The following PARP10 variants were observed in gnomAD, a reference collection of about 807,000 sequenced individuals.
PARP10 encodes poly(ADP-ribose) polymerase family member 10, also known as protein mono-ADP-ribosyltransferase PARP10.
Under a neutral mutation model 82.4 loss-of-function variants are expected in PARP10, and 56 were observed. The observed-to-expected ratio is 0.68, with a 90% CI of 0.55 to 0.85. The LOEUF (loss-of-function observed/expected upper bound fraction) is 0.85, where lower values mean the gene tolerates loss of function less well. Ranked by LOEUF, PARP10 falls within the 40% of genes least tolerant of loss-of-function variation. PARP10 has a pLI of 0.00. For missense variants in PARP10, 1,227 were observed against 1,379.4 expected, an observed-to-expected ratio of 0.89 and a Z score of 1.75; for synonymous variants, 576 against 601.1, an observed-to-expected ratio of 0.96 and a Z score of 0.61.
At chr8:143,992,267 C>T (rs1203158723), upstream of PARP10, 6 of 1,600,630 alleles carry the variant, frequency 3.7e-6, no homozygotes, top group Non-Finnish European at 5.1e-6. Flanking sequence ...GCCAGCCTGT[C>T]GTACATGGTG....
At chr8:143,993,810 C>T (rs761912534), upstream of PARP10, among the ~76,000 whole-genome samples, 5 of 152,234 alleles carry the variant, frequency 3.3e-5, no homozygotes, top group Admixed American at 6.5e-5. Flanking sequence ...CTGTGCAGTC[C>T]ATCTGTGTGG....
chr8:143,979,880 C>T (rs1476314983), intron 9 of PARP10, among the ~76,000 whole-genome samples: 1 of 151,672 alleles, frequency 6.6e-6, no homozygotes, highest in Admixed American at 6.6e-5. Flanking sequence ...GGCGCGGTGG[C>T]GGGCGCCTGT....
chr8:143,991,211 G>A (rs782773247), upstream of PARP10: 10 of 1,558,394 alleles, frequency 6.4e-6, no homozygotes, highest in East Asian at 4.8e-5. Context: ...GGCGGACCGC[G>A]GAACCCGAGG....
intron 1 of PARP10, among the ~76,000 whole-genome samples, chr8:143,998,524 G>C (rs1554751450): frequency 2.0e-5 from 3 of 152,290 alleles, no homozygotes; most frequent in South Asian, 4.1e-4. Context: ...TGAAAACCAA[G>C]AGGAAACAGA....
chr8:143,995,965 G>A (rs1464651862), upstream of PARP10, among the ~76,000 whole-genome samples: 3 of 152,140 alleles, frequency 2.0e-5, no homozygotes, highest in African/African-American at 7.2e-5. Context: ...TTCCAAATAC[G>A]ATGCATTGAG....
chr8:143,984,340 T>A lies in PARP10; in HGVS notation c.1550A>T (p.His517Leu). ...CAGGAGAAACCTGGCGCTGCCCGGGTGCTCCAGGCACAACACATGGCAGCT... is the reference window on the plus strand; with the variant it reads ...CAGGAGAAACCTGGCGCTGCCCGGGAGCTCCAGGCACAACACATGGCAGCT... ...SISCHVLCLE[H>L]PGSARFLLGP... The change falls in exon 6 of 11, where the codon CAC becomes CTC. Residue 517 changes from histidine (H) to leucine (L), a missense_variant. His to Leu is a moderately conservative substitution (Grantham distance 99). Coordinates refer to ENST00000313028, the MANE Select transcript of PARP10 (RefSeq NM_032789.5). 6.2e-7 allele frequency: 1 copy of A among 1,613,612 alleles called. No individual in the cohort carries two copies. The highest frequency in any genetic ancestry group is 8.5e-7 in the Non-Finnish European group (1 of 1,179,946).
chr8:143,983,938 A>G, intron 7 of PARP10, 70 bp downstream of exon 7: 1 of 1,474,072 alleles, frequency 6.8e-7, no homozygotes, highest in Non-Finnish European at 9.1e-7. Context: ...AGATGGGAGC[A>G]CAGAGCAGGG....
chr8:143,997,173 G>A (rs552019368), intron 1 of PARP10, among the ~76,000 whole-genome samples: 1 of 152,328 alleles, frequency 6.6e-6, no homozygotes, highest in East Asian at 1.9e-4. Flanking sequence ...ACACACTGAA[G>A]ACTTTTCAGA....
upstream of PARP10, among the ~76,000 whole-genome samples, chr8:143,987,685 G>A (rs1834014956): frequency 6.6e-6 from 1 of 152,208 alleles, no homozygotes; most frequent in Non-Finnish European, 1.5e-5. Context: ...GAGGTCAGGA[G>A]TTTGAGATCA....
chr8:143,995,080 C>G (rs950491433), upstream of PARP10, among the ~76,000 whole-genome samples: 5 of 152,096 alleles, frequency 3.3e-5, no homozygotes, highest in African/African-American at 1.2e-4. Context: ...TCCCTGGGAA[C>G]GGCAAGCTCC....
In PARP10 at chr8:144,008,756, A is replaced by T. The variant is rs1478615271; in HGVS notation, c.-80+3774T>A. ...AGACATGTCATCCAAATGGATGTGG[A>T]TACATTTTTGGATGAATCTCACTCC... is the stretch of plus-strand genomic sequence containing the variant. On this transcript the variant is annotated intron_variant, in intron 1 of 3. Coordinates refer to the PARP10 transcript ENST00000530478. This position sits in a 1 kb window ranked among gnomAD's most constrained non-coding sequence, Gnocchi z 4.0. 1.3e-5 allele frequency among the ~76,000 whole-genome samples: 2 copies of T among 152,208 alleles called. No individual in the cohort carries two copies. Among genetic ancestry groups the T allele is most frequent in the African/African-American group, 4.8e-5 (2 of 41,446 alleles).
exon 1 of PARP10, chr8:144,012,568 T>C (rs201053154): frequency 9.7e-6 from 15 of 1,547,394 alleles, no homozygotes; most frequent in Non-Finnish European, 1.3e-5. Context: ...GAGAGGCTGG[T>C]GCGGGAAAAT....
upstream of PARP10, among the ~76,000 whole-genome samples, chr8:143,994,690 G>T (rs574807119): frequency 1.4e-3 from 208 of 152,234 alleles, no homozygotes; most frequent in African/African-American, 4.4e-3. Context: ...TCCCAGCCAC[G>T]AGGGCACCTC....
At chr8:143,982,873 C>T (rs574759908) in intron 9 of PARP10, 59 bp downstream of exon 9, 9 of 1,594,076 alleles carry the variant, frequency 5.6e-6, no homozygotes, top group Middle Eastern at 1.7e-4. Flanking sequence ...CTTGGCAAGG[C>T]GCTAATGGTG....
Position 143,977,224 on chromosome 8 carries a change from GGTCTGGGAGCGGCGGGCGGGCGGT to G in PARP10, c.*236_*259del, listed in dbSNP as rs1833707958. 1.9e-6 allele frequency: 1 copy of G among 521,602 alleles called. No homozygotes were observed. The highest frequency in any genetic ancestry group is 2.9e-5 in the South Asian group (1 of 34,520). 32.3% of individuals were successfully genotyped at this position (521,602 alleles called of 1,614,324 possible). On this transcript the variant is annotated 3_prime_UTR_variant, in exon 11 of 11. Transcript: ENST00000313028. The stretch of plus-strand genomic sequence containing the variant: ...CAAACAACAGAGCCGACTCGGGCGA[GGTCTGGGAGCGGCGGGCGGGCGGT>G]GTCGCCTCCTGGGCTCTGCTGACCC...
chr8:143,994,163 C>T (rs1238790790), upstream of PARP10, among the ~76,000 whole-genome samples: 4 of 152,250 alleles, frequency 2.6e-5, no homozygotes, highest in Non-Finnish European at 5.9e-5. Context: ...GCCTGAGGAT[C>T]TCTCAAGGCC....
upstream of PARP10, chr8:143,991,115 C>T (rs1182377460): frequency 2.8e-6 from 2 of 705,492 alleles, no homozygotes; most frequent in African/African-American, 3.7e-5. Flanking sequence ...CCTGGGTTCC[C>T]AGAAGCAGGT....
intron 9 of PARP10, among the ~76,000 whole-genome samples, chr8:143,978,288 T>C (rs1833761287): frequency 6.6e-6 from 1 of 152,156 alleles, no homozygotes. Context: ...TGGGGAGGCC[T>C]GACCCCTCCC....
intron 8 of PARP10, 32 bp from the exon 9 acceptor site, chr8:143,983,097 C>T: frequency 1.2e-6 from 2 of 1,613,636 alleles, no homozygotes; most frequent in Non-Finnish European, 1.7e-6. Context: ...GGGGTCAGAG[C>T]CATGCCTGGG....
Sources: allele counts gnomAD v4.1 joint callset (sites outside exome capture counted in the v4.1 genomes callset), GRCh38; gene constraint gnomAD v4.1.1; non-coding constraint Gnocchi (gnomAD v3.1); transcripts MANE v1.5; gene names NCBI Gene and HGNC (gene_info 2026-07-23, HGNC 2026-07-21).